The following ZNF248 variants were observed in gnomAD, a reference collection of about 807,000 sequenced individuals.
ZNF248 encodes zinc finger protein 248, also known as KRAB protein domain.
Under a neutral mutation model 44.3 loss-of-function variants are expected in ZNF248, and 20 were observed. The observed-to-expected ratio is 0.45, with a 90% CI of 0.32 to 0.66. The LOEUF is 0.66. Ranked by LOEUF, ZNF248 falls within the 30% of genes least tolerant of loss-of-function variation. The probability of loss-of-function intolerance (pLI) is 0.04; values close to 1 mark genes in which losing one functional copy is unlikely to be tolerated. For missense variants in ZNF248, 654 were observed against 677.0 expected (o/e 0.97, Z 0.38); for synonymous variants, 224 against 229.0 (o/e 0.98, Z 0.20).
rs532376498 is a variant in ZNF248, at chr10:37,832,968, A to T, written c.387T>A (p.Pro129=). ...TATAGGGATAATTTCTTAAAGAAAC[A>T]GGGTCTGTGCCCAAATTGAAAGTTT... is the stretch of plus-strand genomic sequence containing the variant. The part of the protein sequence containing the change: ...GSKTFNLGTD[P]VSLRNYPYKI... Residue 129 remains proline (P), a synonymous_variant, in exon 6 of 6, where the codon CCT becomes CCA. Coordinates refer to ENST00000395867, the MANE Select transcript of ZNF248 (RefSeq NM_021045.3). The T allele has an allele frequency of 9.3e-6, 15 of 1,613,770 alleles. No homozygotes were observed. In the East Asian group the frequency reaches 2.7e-4, roughly 29 times the overall value.
At chr10:37,816,813 G>A (rs1203925870) in intron 6 of ZNF248, among the ~76,000 whole-genome samples, 1 of 152,112 alleles carries the variant, frequency 6.6e-6, no homozygotes, top group Non-Finnish European at 1.5e-5. Context: ...GGAGAGAGTG[G>A]AATGATTATT....
Position 37,832,435 on chromosome 10 carries a change from C to G in ZNF248, c.920G>C (p.Cys307Ser). The change falls in exon 6 of 6, where the codon TGT becomes TCT. Residue 307 changes from cysteine to serine, a missense_variant. By Grantham distance (112) the Cys-to-Ser change is moderately radical (BLOSUM62 -1). Coordinates refer to ENST00000395867, the MANE Select transcript of ZNF248 (RefSeq NM_021045.3). ...YEYNEYGEIF[C>S]DNSAFIIHQG... is the part of the protein sequence containing the mutation. ...ATGGATAATGAAAGCTGAATTGTCACAGAAGATTTCCCCATATTCATTATA... is the reference window on the plus strand; with the variant it reads ...ATGGATAATGAAAGCTGAATTGTCAGAGAAGATTTCCCCATATTCATTATA... 6.2e-7 allele frequency: 1 copy of G among 1,613,996 alleles called. No homozygotes were observed. The highest frequency in any genetic ancestry group is 8.5e-7 in the Non-Finnish European group (1 of 1,179,956).
At chr10:37,855,082 C>G (rs1050920718) in intron 3 of ZNF248, among the ~76,000 whole-genome samples, 1 of 152,052 alleles carries the variant, frequency 6.6e-6, no homozygotes, top group African/African-American at 2.4e-5. Context: ...ACTGAGGAAG[C>G]AAATAAGAAT....
the ZNF248 span, among the ~76,000 whole-genome samples, chr10:37,768,355 G>A: frequency 2.0e-5 from 3 of 152,104 alleles, no homozygotes; most frequent in Non-Finnish European, 2.9e-5. Context: ...TTCCAAAATT[G>A]ACCACATACT....
intron 6 of ZNF248, among the ~76,000 whole-genome samples, chr10:37,799,943 C>T (rs2133197234): frequency 6.6e-6 from 1 of 152,062 alleles, no homozygotes; most frequent in South Asian, 2.1e-4. Flanking sequence ...TGTGGTGGCT[C>T]ATGCTTGTTT....
intron 6 of ZNF248, among the ~76,000 whole-genome samples, chr10:37,806,776 T>G (rs934772791): frequency 6.6e-5 from 10 of 152,204 alleles, no homozygotes; most frequent in Non-Finnish European, 2.9e-5. Context: ...ATTTTTTCTT[T>G]TGTGGCTTGT....
At chr10:37,809,062 T>C (rs901108384) in intron 6 of ZNF248, among the ~76,000 whole-genome samples, 1 of 152,192 alleles carries the variant, frequency 6.6e-6, no homozygotes, top group African/African-American at 2.4e-5. Flanking sequence ...TTCTGTAGAA[T>C]CAGTATTTAT....
At chr10:37,806,201 C>T (rs969095429) in intron 6 of ZNF248, among the ~76,000 whole-genome samples, 2 of 152,108 alleles carry the variant, frequency 1.3e-5, no homozygotes, top group African/African-American at 2.4e-5. Flanking sequence ...ACTCTGCTTT[C>T]AATTATTTTG....
chr10:37,771,211 T>A, the ZNF248 span, among the ~76,000 whole-genome samples: 21 of 152,224 alleles, frequency 1.4e-4, no homozygotes, highest in African/African-American at 4.8e-4. Flanking sequence ...GAAGACAGTG[T>A]GGTGATTCCT....
rs888075670 is a variant in ZNF248 at position 37,833,149 on chromosome 10, A to G, written c.239-33T>C. 15 of 1,538,972 alleles carry G rather than the reference A, an allele frequency of 9.7e-6. No homozygotes were observed. In the African/African-American group the frequency reaches 2.1e-4, roughly 21 times the overall value. On this transcript the variant is annotated intron_variant, in intron 5 of 5. Transcript: ENST00000395867. The stretch of plus-strand genomic sequence containing the variant: ...TGAGAAAAATAACCACATCTTATGA[A>G]CCTTAATACATTTCTGATGGAATCA...
At chr10:37,853,401 G>C (rs187075805) in intron 3 of ZNF248, among the ~76,000 whole-genome samples, 1 of 152,038 alleles carries the variant, frequency 6.6e-6, no homozygotes, top group East Asian at 1.9e-4. Flanking sequence ...TTTTCGAGAC[G>C]GAGTCTCGCT....
At chr10:37,826,276 TA>T (rs1358561884), downstream of ZNF248, among the ~76,000 whole-genome samples, 1 of 152,080 alleles carries the variant, frequency 6.6e-6, no homozygotes, top group Non-Finnish European at 1.5e-5. Context: ...TAACAGAAAG[TA>T]CTATTTTCCC....
At chr10:37,776,593 T>A (rs1645850425) in intron 6 of ZNF248, 1 of 398,122 alleles carries the variant, frequency 2.5e-6, no homozygotes, top group African/African-American at 2.1e-5. Context: ...GACAAAATCA[T>A]TTTACTCAGA....
intron 3 of ZNF248, among the ~76,000 whole-genome samples, chr10:37,849,710 C>T (rs1475555840): frequency 6.6e-6 from 1 of 151,686 alleles, no homozygotes; most frequent in African/African-American, 2.4e-5. Flanking sequence ...TTCAAAGAAC[C>T]CTTAAAGATG....
At chr10:37,772,373 GT>G (rs1304472465), downstream of ZNF248, among the ~76,000 whole-genome samples, 1 of 152,098 alleles carries the variant, frequency 6.6e-6, no homozygotes, top group Non-Finnish European at 1.5e-5. Flanking sequence ...GTGTGTGTCT[GT>G]GTGTGTTACA....
At chr10:37,764,613 C>A in the ZNF248 span, among the ~76,000 whole-genome samples, 1 of 151,852 alleles carries the variant, frequency 6.6e-6, no homozygotes, top group Non-Finnish European at 1.5e-5. Flanking sequence ...CCCTGGACAC[C>A]CAGCTTTAAA....
downstream of ZNF248, among the ~76,000 whole-genome samples, chr10:37,773,554 T>C (rs1201064464): frequency 6.6e-6 from 1 of 152,192 alleles, no homozygotes; most frequent in Non-Finnish European, 1.5e-5. Context: ...CATAACAAAG[T>C]ACCACAGACT....
At chr10:37,846,341 A>T (rs1300258596) in intron 3 of ZNF248, among the ~76,000 whole-genome samples, 1 of 152,230 alleles carries the variant, frequency 6.6e-6, no homozygotes, top group Admixed American at 6.5e-5. Flanking sequence ...AACATTACAA[A>T]AAGACAATGA....
intron 3 of ZNF248, among the ~76,000 whole-genome samples, chr10:37,855,914 C>T (rs2061206623): frequency 6.6e-6 from 1 of 152,204 alleles, no homozygotes; most frequent in Admixed American, 6.5e-5. Context: ...TCCTCCACAT[C>T]GTCAAGGTTT....
Sources: allele counts gnomAD v4.1 joint callset (sites outside exome capture counted in the v4.1 genomes callset), GRCh38; gene constraint gnomAD v4.1.1; transcripts MANE v1.5; gene names NCBI Gene and HGNC (gene_info 2026-07-23, HGNC 2026-07-21).